The following MINAR2 variants were observed in gnomAD, a reference collection of about 807,000 sequenced individuals.
MINAR2 encodes major intrinsically disordered NOTCH2-binding receptor 1-like.
A neutral mutation model predicts 16.1 loss-of-function variants in MINAR2; 21 were observed. That is an observed-to-expected ratio of 1.31 (90% CI 0.93 to 1.88). The LOEUF (loss-of-function observed/expected upper bound fraction) is 1.88, where lower values mean the gene tolerates loss of function less well. Among genes scored for constraint, MINAR2 ranks in the 40% most tolerant of loss-of-function variants. The pLI, the probability that MINAR2 is intolerant of heterozygous loss-of-function variation, is 0.00. For synonymous variants in MINAR2, 86 were observed against 83.0 expected (o/e 1.04, Z -0.20); for missense variants, 259 against 229.8 (o/e 1.13, Z -0.82).
chr5:129,748,392 C>T, intron 1 of MINAR2, 37 bp downstream of exon 1: 2 of 1,521,532 alleles, frequency 1.3e-6, no homozygotes, highest in South Asian at 1.2e-5. Context: ...GGGATGGAGG[C>T]TTGTTTCTTT....
chr5:129,762,616 GT>G, intron 2 of MINAR2: 1 of 314,670 alleles, frequency 3.2e-6, no homozygotes. Flanking sequence ...AATCAGTCAG[GT>G]TTTCTGATAA....
In MINAR2 at chr5:129,765,573, C is replaced by T. The variant is rs997703827; in HGVS notation, c.*510C>T. 3.3e-5 allele frequency: 5 copies of T among 152,110 alleles called. No individual in the cohort carries two copies. The highest frequency in any genetic ancestry group is 1.2e-4 in the African/African-American group (5 of 41,370). 9.4% of individuals were successfully genotyped at this position (152,110 alleles called of 1,614,324 possible). A position where few individuals can be genotyped will look rare whatever the true frequency, so the allele number is the denominator to read the frequency against. On this transcript the variant is annotated 3_prime_UTR_variant, in exon 3 of 3. Transcript: ENST00000564719. ...TGCTGCCAACTGAGTTAGATTCATT[C>T]TCTGTTTTATTTTCCTGTATTTCTG...
intron 1 of MINAR2, among the ~76,000 whole-genome samples, chr5:129,759,397 T>C (rs953296326): frequency 6.6e-6 from 1 of 152,154 alleles, no homozygotes; most frequent in African/African-American, 2.4e-5. Flanking sequence ...TTTTGATTCT[T>C]CTCAATTTGT....
chr5:129,752,618 T>G (rs1351072132), intron 1 of MINAR2, among the ~76,000 whole-genome samples: 1 of 152,152 alleles, frequency 6.6e-6, no homozygotes, highest in Non-Finnish European at 1.5e-5. Context: ...AAATACCTAA[T>G]GCATGCAGGG....
chr5:129,763,121 A>G (rs576172210), intron 2 of MINAR2, among the ~76,000 whole-genome samples: 5 of 152,140 alleles, frequency 3.3e-5, no homozygotes, highest in African/African-American at 4.8e-5. Flanking sequence ...AATGAGTGCC[A>G]TGTTTTACTA....
At chr5:129,749,576 T>C (rs1434058518) in intron 1 of MINAR2, among the ~76,000 whole-genome samples, 1 of 152,168 alleles carries the variant, frequency 6.6e-6, no homozygotes, top group Non-Finnish European at 1.5e-5. Context: ...GTTCTTTTTT[T>C]AAGTTTTAAA....
chr5:129,759,720 G>T (rs1309959214), intron 1 of MINAR2, among the ~76,000 whole-genome samples: 1 of 151,258 alleles, frequency 6.6e-6, no homozygotes, highest in Non-Finnish European at 1.5e-5. Flanking sequence ...TCTTGAGTTT[G>T]TTTGGTTTGC....
chr5:129,754,153 C>T (rs921406828), intron 1 of MINAR2, among the ~76,000 whole-genome samples: 3 of 152,080 alleles, frequency 2.0e-5, no homozygotes, highest in African/African-American at 7.2e-5. Flanking sequence ...CCTGTGAGCA[C>T]AAAGAGCCCT....
rs150317150 is a variant in MINAR2 at position 129,749,489 on chromosome 5, C to T, written c.165+1134C>T. On this transcript the variant is annotated intron_variant, in intron 1 of 2. Transcript: ENST00000564719. The stretch of plus-strand genomic sequence containing the variant: ...GACAACTGGCATTTTTTGAATTTTG[C>T]ATCAATCACTTTGGTAATCCTCAAA... Among the ~76,000 whole-genome samples, 572 of 152,228 alleles carry T rather than the reference C, an allele frequency of 3.8e-3. 2 individuals carry two copies. Among genetic ancestry groups the T allele is most frequent in the African/African-American group, 0.013 (551 of 41,550 alleles).
chr5:129,762,678 G>T, intron 2 of MINAR2: 1 of 264,470 alleles, frequency 3.8e-6, no homozygotes, highest in Non-Finnish European at 8.1e-6. Context: ...ACCTTGAGTA[G>T]AAGTTTGATA....
chr5:129,762,628 T>A (rs919908505), intron 2 of MINAR2: 5 of 306,172 alleles, frequency 1.6e-5, no homozygotes, highest in Admixed American at 7.5e-5. Flanking sequence ...TTTCTGATAA[T>A]CCCATGTTAT....
chr5:129,753,139 T>C (rs1024786687), intron 1 of MINAR2, among the ~76,000 whole-genome samples: 3 of 152,142 alleles, frequency 2.0e-5, no homozygotes, highest in African/African-American at 7.2e-5. Flanking sequence ...ACACACGTCA[T>C]GCCTTCCTAA....
At position 129,764,972 on chromosome 5, in the gene MINAR2, A is replaced by C; in HGVS notation, c.482A>C (p.Lys161Thr). 7.1e-7 allele frequency: 1 copy of C among 1,409,458 alleles called. No homozygotes were observed. The highest frequency in any genetic ancestry group is 9.3e-7 in the Non-Finnish European group (1 of 1,079,672). 87.3% of individuals were successfully genotyped at this position (1,409,458 alleles called of 1,614,324 possible). A position where few individuals can be genotyped will look rare whatever the true frequency, so the allele number is the denominator to read the frequency against. ...TTGAAAAAGGAAGAGAAACAAGAGA[A>C]GCATTCAAAATTCTGTCGTATGGGT... The part of the protein sequence containing the change: ...TLLKKEEKQE[K>T]HSKFCRMGLI... Residue 161 changes from lysine to threonine, a missense_variant, in exon 3 of 3, where the codon AAG becomes ACG. Physicochemically the swap from Lys to Thr is moderately conservative, Grantham distance 78. Coordinates refer to ENST00000564719, the MANE Select transcript of MINAR2 (RefSeq NM_001257308.2).
chr5:129,760,351 G>A (rs1758116308), intron 1 of MINAR2, 27 bp from the exon 2 acceptor site: 1 of 1,514,868 alleles, frequency 6.6e-7, no homozygotes, highest in Non-Finnish European at 8.9e-7. Flanking sequence ...CCGTTGCTAA[G>A]AGATGCCTTG....
chr5:129,765,207 C>A lies in MINAR2; in HGVS notation c.*144C>A. 2.2e-6 allele frequency: 1 copy of A among 461,758 alleles called. No individual in the cohort carries two copies. The highest frequency in any genetic ancestry group is 3.5e-6 in the Non-Finnish European group (1 of 284,078). The allele number at this position is 461,758 out of a possible 1,614,324, so 28.6% of individuals were successfully genotyped here. A position where few individuals can be genotyped will look rare whatever the true frequency, so the allele number is the denominator to read the frequency against. ...TGATTGTATTATTAAATGTAATTGT[C>A]CTGAAGAATGTGAATGTCAGGCGTG... On this transcript the variant is annotated 3_prime_UTR_variant, in exon 3 of 3. Coordinates refer to ENST00000564719, the MANE Select transcript of MINAR2 (RefSeq NM_001257308.2).
intron 1 of MINAR2, 69 bp from the exon 2 acceptor site, chr5:129,760,309 A>T: frequency 1.8e-6 from 2 of 1,124,138 alleles, no homozygotes; most frequent in East Asian, 5.1e-5. Context: ...TCAGGTAGTT[A>T]TCTCACATTG....
Position 129,760,598 on chromosome 5 carries a change from A to T in MINAR2, c.386A>T (p.His129Leu). 6.5e-7 allele frequency: 1 copy of T among 1,534,196 alleles called. No individual in the cohort carries two copies. Reference protein sequence around the residue: ...KHSLHTNLSGHLKENPNDLRF... With the variant: ...KHSLHTNLSGLLKENPNDLRF... ...TCCCTGCACACAAACCTCTCTGGACATCTGAAGGTACTCACGACTAAGAGT... is the reference window on the plus strand; with the variant it reads ...TCCCTGCACACAAACCTCTCTGGACTTCTGAAGGTACTCACGACTAAGAGT... The change falls in exon 2 of 3, where the codon CAT becomes CTT. Residue 129 changes from histidine to leucine, a missense_variant. His to Leu is a moderately conservative substitution (Grantham distance 99, BLOSUM62 -3). Coordinates refer to ENST00000564719, the MANE Select transcript of MINAR2 (RefSeq NM_001257308.2).
intron 1 of MINAR2, among the ~76,000 whole-genome samples, chr5:129,749,017 T>C (rs1757953441): frequency 6.6e-6 from 1 of 152,190 alleles, no homozygotes; most frequent in South Asian, 2.1e-4. Context: ...TGCATTTTCC[T>C]TCTTTTTGCT....
chr5:129,764,649 C>T lies in MINAR2; in HGVS notation c.394-235C>T, dbSNP rs1323185506. On this transcript the variant is annotated intron_variant, in intron 2 of 2. Coordinates refer to ENST00000564719, the MANE Select transcript of MINAR2 (RefSeq NM_001257308.2). ...GCCTCCTAATTAATTCTGATGCAGA[C>T]CTACAAATTGGAATTGCAGGGATTC... Among the ~76,000 whole-genome samples the T allele has an allele frequency of 3.9e-5, 6 of 152,208 alleles. No individual in the cohort carries two copies. The South Asian group carries it at 1.2e-3, about 32-fold the overall frequency.
Sources: allele counts gnomAD v4.1 joint callset (sites outside exome capture counted in the v4.1 genomes callset), GRCh38; gene constraint gnomAD v4.1.1; transcripts MANE v1.5; gene names NCBI Gene and HGNC (gene_info 2026-07-23, HGNC 2026-07-21).